Variants in ANKDD1A observed in about 807,000 individuals in gnomAD.
ANKDD1A encodes the protein ankyrin repeat and death domain-containing protein 1A.
A neutral mutation model predicts 63.5 loss-of-function variants in ANKDD1A; 59 were observed. The observed-to-expected ratio is 0.93, with a 90% CI of 0.75 to 1.15. The LOEUF is 1.15. Ranked by LOEUF, ANKDD1A falls within the 50% of genes most tolerant of loss-of-function variation. ANKDD1A has a pLI of 0.00. For missense variants in ANKDD1A, 632 were observed against 656.4 expected, an observed-to-expected ratio of 0.96 and a Z score of 0.41; for synonymous variants, 266 against 263.9, an observed-to-expected ratio of 1.01 and a Z score of -0.08.
intron 14 of ANKDD1A, among the ~76,000 whole-genome samples, chr15:64,951,720 C>CGTTCTTCCTTTCTTCTTTCTTT (rs1276132353): frequency 2.2e-5 from 3 of 136,252 alleles, no homozygotes; most frequent in African/African-American, 8.2e-5. Context: ...TCTTTTTCTT[C>CGTTCTTCCTTTCTTCTTTCTTT]CCTTTTCTTC....
intron 6 of ANKDD1A, among the ~76,000 whole-genome samples, chr15:64,929,226 T>C (rs1469126219): frequency 1.3e-5 from 2 of 152,154 alleles, no homozygotes; most frequent in Admixed American, 6.5e-5. Flanking sequence ...CAGGCTGGAG[T>C]GTAGTGGCGT....
chr15:64,931,842 A>C, intron 8 of ANKDD1A: 1 of 591,092 alleles, frequency 1.7e-6, no homozygotes, highest in East Asian at 2.8e-5. Context: ...TAAATACCTA[A>C]CACAGTGCCC....
At chr15:64,951,782 CT>C (rs2085287076) in intron 14 of ANKDD1A, among the ~76,000 whole-genome samples, 1 of 120,558 alleles carries the variant, frequency 8.3e-6, no homozygotes, top group African/African-American at 3.1e-5. Context: ...TCTTTCCTTT[CT>C]TCTTCCTTCT....
At position 64,949,877 on chromosome 15, in the gene ANKDD1A, T is replaced by C; in HGVS notation, c.1388T>C (p.Leu463Pro). 6.2e-7 allele frequency: 1 copy of C among 1,605,140 alleles called. No individual in the cohort carries two copies. The highest frequency in any genetic ancestry group is 1.1e-5 in the South Asian group (1 of 91,084). Reference protein sequence around the residue: ...RSYQEHGHRMLLIWLHGVATA... With the variant: ...RSYQEHGHRMPLIWLHGVATA... ...TATCAGGAGCACGGCCACCGAATGCTGCTCATTTGGCTGCATGGCGTGGCC... is the reference window on the plus strand; with the variant it reads ...TATCAGGAGCACGGCCACCGAATGCCGCTCATTTGGCTGCATGGCGTGGCC... Residue 463 changes from leucine to proline, a missense_variant, in exon 14 of 15, where the codon CTG becomes CCG. Leu to Pro is a moderately conservative substitution (Grantham distance 98). Transcript: ENST00000319580.
intron 1 of ANKDD1A, among the ~76,000 whole-genome samples, chr15:64,912,413 G>T (rs2084938384): frequency 6.6e-6 from 1 of 152,234 alleles, no homozygotes; most frequent in Admixed American, 6.5e-5. Context: ...TGGTAGAAGT[G>T]CTGAAGGGCC....
intron 4 of ANKDD1A, 88 bp downstream of exon 4, chr15:64,922,107 C>T: frequency 1.6e-6 from 2 of 1,223,620 alleles, no homozygotes; most frequent in Non-Finnish European, 2.3e-6. Context: ...CCCACCCCTG[C>T]TTGCCCCTCC....
chr15:64,943,445 A>G (rs748105068), intron 10 of ANKDD1A, 39 bp from the exon 11 acceptor site: 5 of 1,591,974 alleles, frequency 3.1e-6, no homozygotes, highest in Admixed American at 1.7e-5. Context: ...CCACCCCTAC[A>G]TGCTTTTCAC....
chr15:64,912,115 C>T (rs1043814645), intron 1 of ANKDD1A, 151 bp downstream of exon 1: 1 of 784,420 alleles, frequency 1.3e-6, no homozygotes, highest in Non-Finnish European at 1.7e-6. Flanking sequence ...GGTTACCGGT[C>T]CGCGCACTGG....
At chr15:64,915,758 A>T in intron 1 of ANKDD1A, 39 bp from the exon 2 acceptor site, 1 of 1,569,898 alleles carries the variant, frequency 6.4e-7, no homozygotes, top group Non-Finnish European at 8.8e-7. Context: ...AGTGTGGGGC[A>T]TCCTCCCCCT....
intron 14 of ANKDD1A, among the ~76,000 whole-genome samples, chr15:64,953,934 T>TTC (rs1566918126): frequency 7.9e-6 from 1 of 126,650 alleles, no homozygotes; most frequent in Admixed American, 8.3e-5. Context: ...TTCTTTTTTC[T>TTC]TTTCTTCCTC....
intron 14 of ANKDD1A, among the ~76,000 whole-genome samples, chr15:64,952,474 CCTTCTT>C (rs575821388): frequency 6.9e-5 from 10 of 145,018 alleles, no homozygotes; most frequent in African/African-American, 2.1e-4. Flanking sequence ...TCTTCCTTCT[CCTTCTT>C]CTTCCTTCGT....
intron 9 of ANKDD1A, among the ~76,000 whole-genome samples, chr15:64,938,694 G>A: frequency 6.6e-6 from 1 of 152,184 alleles, no homozygotes; most frequent in Non-Finnish European, 1.5e-5. Flanking sequence ...GCTCATGCCT[G>A]TAATCCCAGC....
At chr15:64,952,433 C>T (rs2085308521) in intron 14 of ANKDD1A, among the ~76,000 whole-genome samples, 1 of 132,042 alleles carries the variant, frequency 7.6e-6, no homozygotes, top group Non-Finnish European at 1.6e-5. Context: ...TTTTCTTCTC[C>T]TCCTCCTTTC....
intron 14 of ANKDD1A, among the ~76,000 whole-genome samples, chr15:64,953,834 T>C (rs2085360942): frequency 2.2e-4 from 5 of 22,364 alleles, no homozygotes; most frequent in South Asian, 1.6e-3. Flanking sequence ...TTTTCTTCTT[T>C]CCTCTTCTTT....
intron 6 of ANKDD1A, among the ~76,000 whole-genome samples, chr15:64,928,347 C>A (rs1205184994): frequency 1.3e-5 from 2 of 152,220 alleles, no homozygotes; most frequent in African/African-American, 4.8e-5. Flanking sequence ...GAGGGCAGTG[C>A]CTGCCAGGAC....
intron 14 of ANKDD1A, among the ~76,000 whole-genome samples, chr15:64,952,654 T>TC (rs2085316119): frequency 6.6e-6 from 1 of 150,670 alleles, no homozygotes; most frequent in Non-Finnish European, 1.5e-5. Context: ...TCCTTCTCCT[T>TC]CTTCTTCCCC....
chr15:64,942,705 A>G, intron 10 of ANKDD1A, 140 bp downstream of exon 10: 2 of 630,680 alleles, frequency 3.2e-6, no homozygotes, highest in Non-Finnish European at 5.3e-6. Context: ...TTTAGAAAGT[A>G]ATCTAAATAG....
At chr15:64,952,896 CTCCT>C (rs1484120930) in intron 14 of ANKDD1A, among the ~76,000 whole-genome samples, 4 of 89,650 alleles carry the variant, frequency 4.5e-5, no homozygotes, top group South Asian at 4.6e-4. Context: ...CTTCTTCCTT[CTCCT>C]TCCTTCTCTT....
chr15:64,927,602 C>CT (rs5813333), intron 6 of ANKDD1A, among the ~76,000 whole-genome samples: 3,692 of 130,602 alleles, frequency 0.028, 58 homozygotes, highest in Non-Finnish European at 0.033. Flanking sequence ...AGCAAATTCC[C>CT]TTTTTTTTTT....
Sources: gnomAD v4.1 joint callset for allele counts (sites outside exome capture counted in the v4.1 genomes callset) on GRCh38, gnomAD v4.1.1 for gene constraint, MANE v1.5 for transcripts, NCBI Gene and HGNC (gene_info 2026-07-23, HGNC 2026-07-21) for gene names.